The following PCCA variants were observed in gnomAD, a reference collection of about 807,000 sequenced individuals.
PCCA encodes the protein propionyl-CoA carboxylase alpha chain, mitochondrial.
In PCCA, 74 loss-of-function variants were observed where a neutral mutation model predicts 101.3. The observed-to-expected ratio is 0.73, with a 90% CI of 0.61 to 0.89. The LOEUF (loss-of-function observed/expected upper bound fraction) is 0.89, where lower values mean the gene tolerates loss of function less well. Among genes scored for constraint, PCCA ranks in the 40% least tolerant of loss-of-function variants. The probability of loss-of-function intolerance (pLI) is 0.00; values close to 1 mark genes in which losing one functional copy is unlikely to be tolerated. For missense variants in PCCA, 891 were observed against 907.0 expected (o/e 0.98, Z 0.23); for synonymous variants, 294 against 313.6 (o/e 0.94, Z 0.66).
At chr13:100,142,648 A>G (rs1054043681) in intron 4 of PCCA, among the ~76,000 whole-genome samples, 4 of 151,880 alleles carry the variant, frequency 2.6e-5, no homozygotes, top group African/African-American at 9.7e-5. Context: ...TAATTTTTAT[A>G]TTTTTAGTAG....
At chr13:100,092,681 A>C (rs1020299751) in intron 1 of PCCA, among the ~76,000 whole-genome samples, 1 of 152,258 alleles carries the variant, frequency 6.6e-6, no homozygotes, top group Non-Finnish European at 1.5e-5. Flanking sequence ...TCTCATTTGA[A>C]TCATGGTCTC....
chr13:100,264,264 C>A (rs114580137), intron 10 of PCCA, among the ~76,000 whole-genome samples: 5,854 of 141,128 alleles, frequency 0.041, 357 homozygotes, highest in African/African-American at 0.054. Context: ...ATATCTGTAT[C>A]TCATATATAT....
chr13:100,235,883 G>A lies in PCCA; in HGVS notation c.637+5G>A. The A allele has an allele frequency of 1.3e-6, 2 of 1,590,522 alleles. No individual in the cohort carries two copies. The highest frequency in any genetic ancestry group is 1.7e-6 in the Non-Finnish European group (2 of 1,158,506). ...TCAGAATTGCAAGGGAAATTGGTAAGTCCTTAAATTAACTTTGGTAGGATT... is the reference window on the plus strand; with the variant it reads ...TCAGAATTGCAAGGGAAATTGGTAAATCCTTAAATTAACTTTGGTAGGATT... On this transcript the variant is annotated splice_donor_5th_base_variant and intron_variant, in intron 8 of 23. Transcript: ENST00000376285.
intron 4 of PCCA, among the ~76,000 whole-genome samples, chr13:100,126,269 G>A (rs1405908195): frequency 6.6e-6 from 1 of 151,736 alleles, no homozygotes; most frequent in Non-Finnish European, 1.5e-5. Flanking sequence ...TGTGATTTGT[G>A]TTTATAGTAT....
chr13:100,474,440 T>TTCTCTCTCTCTCTCTCTCTCTCTC (rs58811683), intron 21 of PCCA, among the ~76,000 whole-genome samples: 83 of 144,386 alleles, frequency 5.7e-4, no homozygotes, highest in African/African-American at 2.1e-3. Context: ...TATTTACTGT[T>TTCTCTCTCTCTCTCTCTCTCTCTC]TCTCTCTCTC....
rs191890031 is a variant in PCCA at position 100,134,010 on chromosome 13, G to A, written c.301-20969G>A. 1.5e-3 allele frequency among the ~76,000 whole-genome samples: 231 copies of A among 152,234 alleles called. 1 individual carries two copies. The highest frequency in any genetic ancestry group is 5.3e-3 in the African/African-American group (220 of 41,540). On this transcript the variant is annotated intron_variant, in intron 4 of 23. Coordinates refer to ENST00000376285, the MANE Select transcript of PCCA (RefSeq NM_000282.4). ...GCCACAGACTGAAGGCTGTACTGTC[G>A]GCTTTCCTACTTTTGAGGTTTTGGG...
intron 19 of PCCA, among the ~76,000 whole-genome samples, chr13:100,403,490 T>C (rs1932239): frequency 0.075 from 11,360 of 152,196 alleles, 1,352 homozygotes; most frequent in African/African-American, 0.25. Context: ...GAGGAGCAGG[T>C]GCATCACATG....
intron 20 of PCCA, among the ~76,000 whole-genome samples, chr13:100,442,524 T>C (rs2080452017): frequency 2.6e-5 from 4 of 152,232 alleles, no homozygotes; most frequent in African/African-American, 9.6e-5. Flanking sequence ...GGAATGAATC[T>C]AACCTTTGTA....
chr13:100,467,657 A>C (rs1181144620), intron 21 of PCCA, among the ~76,000 whole-genome samples: 1 of 152,242 alleles, frequency 6.6e-6, no homozygotes, highest in Non-Finnish European at 1.5e-5. Flanking sequence ...GGCGTGAGCC[A>C]CCGCGCCTGG....
At chr13:100,451,610 A>C (rs1477977527) in intron 21 of PCCA, among the ~76,000 whole-genome samples, 2 of 151,740 alleles carry the variant, frequency 1.3e-5, no homozygotes, top group Non-Finnish European at 2.9e-5. Context: ...GAGCTCGAAA[A>C]GTTTCTCCCT....
intron 8 of PCCA, among the ~76,000 whole-genome samples, chr13:100,247,922 A>G (rs1043749497): frequency 6.6e-6 from 1 of 152,176 alleles, no homozygotes; most frequent in Non-Finnish European, 1.5e-5. Flanking sequence ...TAGGTGTATT[A>G]CAGTGTATCG....
At chr13:100,470,871 T>TA (rs1302031140) in intron 21 of PCCA, among the ~76,000 whole-genome samples, 5 of 151,780 alleles carry the variant, frequency 3.3e-5, no homozygotes. Flanking sequence ...AAAATAAAAA[T>TA]AAAAAAACTT....
intron 8 of PCCA, among the ~76,000 whole-genome samples, chr13:100,238,516 A>T (rs1313251239): frequency 6.6e-6 from 1 of 152,092 alleles, no homozygotes; most frequent in Non-Finnish European, 1.5e-5. Flanking sequence ...GAAATAAATG[A>T]TAGCAATCAT....
chr13:100,300,245 C>T (rs1425842829), intron 12 of PCCA, among the ~76,000 whole-genome samples: 1 of 152,164 alleles, frequency 6.6e-6, no homozygotes, highest in African/African-American at 2.4e-5. Flanking sequence ...GATGATTTGT[C>T]ATTAAAATTA....
intron 18 of PCCA, among the ~76,000 whole-genome samples, chr13:100,341,726 A>G (rs1442132956): frequency 1.3e-5 from 2 of 152,016 alleles, no homozygotes; most frequent in African/African-American, 4.8e-5. Context: ...TTCAGATCCT[A>G]ATTCCTTTAC....
intron 4 of PCCA, among the ~76,000 whole-genome samples, chr13:100,112,599 C>G (rs1197354079): frequency 1.0e-5 from 1 of 97,370 alleles, no homozygotes; most frequent in African/African-American, 4.1e-5. Flanking sequence ...TTTTTTGGGA[C>G]AGAGTCTTGC....
At chr13:100,187,266 A>G (rs78368017) in intron 6 of PCCA, among the ~76,000 whole-genome samples, 21,851 of 152,224 alleles carry the variant, frequency 0.14, 1,725 homozygotes, top group Middle Eastern at 0.22. Context: ...GATTAAAAAA[A>G]TTGGAGAAAG....
At chr13:100,294,665 T>TC (rs1254383946) in intron 12 of PCCA, among the ~76,000 whole-genome samples, 1 of 152,224 alleles carries the variant, frequency 6.6e-6, no homozygotes, top group African/African-American at 2.4e-5. Flanking sequence ...TATTTAGTTT[T>TC]CCAAGATGAG....
intron 21 of PCCA, among the ~76,000 whole-genome samples, chr13:100,503,404 C>A (rs184325390): frequency 6.6e-6 from 1 of 152,296 alleles, no homozygotes; most frequent in African/African-American, 2.4e-5. Context: ...GCAGGAGAAT[C>A]ACTTGAACCC....
Sources: gnomAD v4.1 joint callset for allele counts (sites outside exome capture counted in the v4.1 genomes callset) on GRCh38, gnomAD v4.1.1 for gene constraint, MANE v1.5 for transcripts, NCBI Gene and HGNC (gene_info 2026-07-23, HGNC 2026-07-21) for gene names.